Variants in ERC2 observed in about 807,000 individuals in gnomAD.
The protein encoded by ERC2 is ELKS/RAB6-interacting/CAST family member 2.
ERC2 carries 42 observed loss-of-function variants against 114.8 expected under a neutral mutation model. The ratio of observed to expected loss-of-function variants is 0.37; its 90% CI spans 0.29 to 0.47. ERC2 has a LOEUF of 0.47. ERC2 is among the 20% of genes least tolerant of loss of function. ERC2 has a pLI of 0.99. For synonymous variants in ERC2, 454 were observed against 425.5 expected, an observed-to-expected ratio of 1.07 and a Z score of -0.82; for missense variants, 939 against 1,150.7, an observed-to-expected ratio of 0.82 and a Z score of 2.66.
intron 13 of ERC2, among the ~76,000 whole-genome samples, chr3:55,892,982 G>A (rs528301550): frequency 1.1e-3 from 171 of 152,168 alleles, no homozygotes; most frequent in African/African-American, 3.7e-3. Context: ...GGTCATGGGC[G>A]CAGAGGCCTC....
chr3:55,584,112 G>A (rs188178710), intron 17 of ERC2, among the ~76,000 whole-genome samples: 17 of 152,280 alleles, frequency 1.1e-4, no homozygotes, highest in East Asian at 5.8e-4. Context: ...ACACTCAGTC[G>A]ATGACCACTG....
intron 16 of ERC2, among the ~76,000 whole-genome samples, chr3:55,697,273 C>T (rs953276171): frequency 1.3e-5 from 2 of 152,160 alleles, no homozygotes; most frequent in Non-Finnish European, 2.9e-5. Context: ...CTGGAGAAGG[C>T]GATGAGGTTA....
intron 17 of ERC2, among the ~76,000 whole-genome samples, chr3:55,676,367 A>G (rs1483508667): frequency 6.6e-6 from 1 of 151,550 alleles, no homozygotes; most frequent in Non-Finnish European, 1.5e-5. Context: ...CTAACTACCA[A>G]AGGCACCTCT....
intron 7 of ERC2, among the ~76,000 whole-genome samples, chr3:56,042,474 T>TA (rs2149664360): frequency 1.3e-5 from 2 of 152,246 alleles, no homozygotes; most frequent in South Asian, 4.1e-4. Context: ...AAACACTGGA[T>TA]AAGGCTTGGC....
At chr3:55,627,187 G>C (rs1158290877) in intron 17 of ERC2, among the ~76,000 whole-genome samples, 1 of 152,182 alleles carries the variant, frequency 6.6e-6, no homozygotes, top group Non-Finnish European at 1.5e-5. Flanking sequence ...TCTTCTTTTG[G>C]CCGGGTGTGG....
intron 3 of ERC2, among the ~76,000 whole-genome samples, chr3:56,272,943 A>G (rs776907212): frequency 1.3e-5 from 2 of 152,210 alleles, no homozygotes; most frequent in African/African-American, 2.4e-5. Flanking sequence ...ATGTAGTCTC[A>G]CGTATAAAAG....
At chr3:55,849,599 T>A (rs2061493306) in intron 14 of ERC2, among the ~76,000 whole-genome samples, 1 of 152,246 alleles carries the variant, frequency 6.6e-6, no homozygotes, top group African/African-American at 2.4e-5. Flanking sequence ...TCCATTCTAC[T>A]GTCAGCCATT....
At position 55,510,728 on chromosome 3, in the gene ERC2, T is replaced by G. The variant is rs964239775; in HGVS notation, c.*588A>C. 3.9e-5 allele frequency: 6 copies of G among 152,594 alleles called. No individual in the cohort carries two copies. The highest frequency in any genetic ancestry group is 1.4e-4 in the African/African-American group (6 of 41,568). 9.5% of individuals were successfully genotyped at this position (152,594 alleles called of 1,614,324 possible). ...GTAAAGGCTCGCAATTTTTGGTGTT[T>G]TTTGTTTCTTCGTCAAACACTCCAT... On this transcript the variant is annotated 3_prime_UTR_variant, in exon 18 of 18. Transcript: ENST00000288221.
intron 4 of ERC2, among the ~76,000 whole-genome samples, chr3:56,162,154 GTTTTTAA>G: frequency 6.6e-6 from 1 of 152,122 alleles, no homozygotes; most frequent in South Asian, 2.1e-4. Context: ...TATGGTTTTT[GTTTTTAA>G]TTCTGTTTAT....
intron 2 of ERC2, among the ~76,000 whole-genome samples, chr3:56,391,203 T>C (rs1270512359): frequency 6.6e-6 from 1 of 152,220 alleles, no homozygotes; most frequent in Admixed American, 6.5e-5. Context: ...CTTCAAATTA[T>C]TCTCCACTGA....
At chr3:56,373,150 T>C (rs1423621401) in intron 2 of ERC2, among the ~76,000 whole-genome samples, 1 of 152,238 alleles carries the variant, frequency 6.6e-6, no homozygotes, top group Non-Finnish European at 1.5e-5. Context: ...ACTAATTTCA[T>C]ATAAGTCTAT....
intron 14 of ERC2, among the ~76,000 whole-genome samples, chr3:55,768,333 T>A (rs1233499196): frequency 6.6e-6 from 1 of 152,330 alleles, no homozygotes; most frequent in African/African-American, 2.4e-5. Context: ...AGTCAGTGCC[T>A]TCACATCCAT....
chr3:56,039,464 T>G (rs1367415818), intron 7 of ERC2, among the ~76,000 whole-genome samples: 1 of 152,112 alleles, frequency 6.6e-6, no homozygotes, highest in Non-Finnish European at 1.5e-5. Context: ...GCTTGTACAC[T>G]GAAAACTATA....
At chr3:56,344,428 G>A (rs1185369595) in intron 2 of ERC2, among the ~76,000 whole-genome samples, 1 of 152,098 alleles carries the variant, frequency 6.6e-6, no homozygotes, top group Non-Finnish European at 1.5e-5. Context: ...TTACTGTAAC[G>A]AAGTGCCCTC....
intron 1 of ERC2, among the ~76,000 whole-genome samples, chr3:56,444,529 T>C (rs888428492): frequency 1.3e-5 from 2 of 152,222 alleles, no homozygotes; most frequent in African/African-American, 4.8e-5. Flanking sequence ...ATGCTTTCTC[T>C]AATTGCATAG....
intron 2 of ERC2, among the ~76,000 whole-genome samples, chr3:56,397,363 A>G (rs545782693): frequency 0.024 from 3,528 of 149,080 alleles, 38 homozygotes; most frequent in South Asian, 0.066. Flanking sequence ...AAAAAAAAAA[A>G]AAGAAGAAGA....
At chr3:56,434,250 T>C in intron 2 of ERC2, 101 bp downstream of exon 2, 1 of 1,087,372 alleles carries the variant, frequency 9.2e-7, no homozygotes, top group Non-Finnish European at 1.3e-6. Context: ...TTCTTGATGA[T>C]GCCAAACTTT....
intron 2 of ERC2, among the ~76,000 whole-genome samples, chr3:56,352,389 C>T (rs1351595947): frequency 6.6e-6 from 1 of 152,102 alleles, no homozygotes; most frequent in Non-Finnish European, 1.5e-5. Flanking sequence ...AGAAGAATGG[C>T]CTCAAAGTGT....
At chr3:56,431,165 A>G (rs765055665) in intron 2 of ERC2, among the ~76,000 whole-genome samples, 1 of 152,226 alleles carries the variant, frequency 6.6e-6, no homozygotes, top group Non-Finnish European at 1.5e-5. Flanking sequence ...CCCTCAACAA[A>G]TGTCTACTGG....
Sources: gnomAD v4.1 joint callset for allele counts (sites outside exome capture counted in the v4.1 genomes callset) on GRCh38, gnomAD v4.1.1 for gene constraint, MANE v1.5 for transcripts, NCBI Gene and HGNC (gene_info 2026-07-23, HGNC 2026-07-21) for gene names.